The following ZNF287 variants were observed in gnomAD, a reference collection of about 807,000 sequenced individuals.
The protein encoded by ZNF287 is zinc finger protein with KRAB and SCAN domains 13.
ZNF287 carries 31 observed loss-of-function variants against 73.7 expected under a neutral mutation model. The ratio of observed to expected loss-of-function variants is 0.42; its 90% confidence interval spans 0.32 to 0.57. The LOEUF (loss-of-function observed/expected upper bound fraction) is 0.57. Among genes scored for constraint, ZNF287 ranks in the 20% least tolerant of loss-of-function variants. The pLI, the probability that ZNF287 is intolerant of heterozygous loss-of-function variation, is 0.13. For missense variants in ZNF287, 641 were observed against 909.3 expected (o/e 0.70, Z 3.79); for synonymous variants, 301 against 307.2 (o/e 0.98, Z 0.21).
rs913800644 is a variant in ZNF287 at position 16,550,430 on chromosome 17, C to G, written c.*1426G>C. Reference sequence around the variant, plus strand: ...AGCAATTATCTATGTATGTTTTCCTCACTCCACTAAAATTTCACCTTTTCC... The same window carrying G: ...AGCAATTATCTATGTATGTTTTCCTGACTCCACTAAAATTTCACCTTTTCC... On this transcript the variant is annotated 3_prime_UTR_variant, in exon 6 of 6. Transcript: ENST00000395825. Among the ~76,000 whole-genome samples, 9 of 152,288 alleles carry G rather than the reference C, an allele frequency of 5.9e-5. No individual in the cohort carries two copies. In the East Asian group the frequency reaches 1.7e-3, roughly 29 times the overall value.
intron 5 of ZNF287, among the ~76,000 whole-genome samples, chr17:16,560,308 G>GTATATATATATATATA (rs1491315982): frequency 1.5e-5 from 2 of 137,314 alleles, no homozygotes; most frequent in African/African-American, 5.4e-5. Flanking sequence ...GTCAACAGTG[G>GTATATATATATATATA]TGTATATATA....
Position 16,553,263 on chromosome 17 carries a change from A to G in ZNF287, c.879T>C (p.Gly293=). 1 of 1,613,414 alleles carries G rather than the reference A, an allele frequency of 6.2e-7. No homozygotes were observed. Among genetic ancestry groups the G allele is most frequent in the Admixed American group, 1.7e-5 (1 of 59,980 alleles). The change falls in exon 6 of 6, where the codon GGT becomes GGC. Residue 293 remains glycine, a synonymous_variant. Transcript: ENST00000395825. Reference sequence around the variant, plus strand: ...GTGAAAGGACTGACTTCAAACTGAAACCTCTTTCATCAGTGTGAATTTTCC... The same window carrying G: ...GTGAAAGGACTGACTTCAAACTGAAGCCTCTTTCATCAGTGTGAATTTTCC... ...GFWKIHTDER[G]FSLKSVLSQE...
In ZNF287 at chr17:16,566,507, A is replaced by G. The variant is rs1907749840; in HGVS notation, c.501+18T>C. 1 of 1,604,268 alleles carries G rather than the reference A, an allele frequency of 6.2e-7. No individual in the cohort carries two copies. On this transcript the variant is annotated intron_variant, in intron 3 of 5. Transcript: ENST00000395825. ...ACTAAGAAGGCATTTTAAAATCAGA[A>G]AAGACAGTCACACTCACTTTGGTCA...
chr17:16,549,439 G>A lies in ZNF287; in HGVS notation c.*2417C>T, dbSNP rs1906499346. ...ACATGCTCAACCAAGGGAAATAAGT[G>A]CTGTGTGAGGGATGAAGCAGCATCA... On this transcript the variant is annotated 3_prime_UTR_variant, in exon 6 of 6. Coordinates refer to ENST00000395825, the MANE Select transcript of ZNF287 (RefSeq NM_020653.4). Among the ~76,000 whole-genome samples the A allele has an allele frequency of 6.6e-6, 1 of 152,156 alleles. No homozygotes were observed. Among genetic ancestry groups the A allele is most frequent in the Non-Finnish European group, 1.5e-5 (1 of 68,034 alleles).
At chr17:16,560,628 G>A (rs929762328) in intron 5 of ZNF287, among the ~76,000 whole-genome samples, 21 of 151,846 alleles carry the variant, frequency 1.4e-4, no homozygotes, top group East Asian at 1.9e-4. Flanking sequence ...GATTACAAGC[G>A]CGAGCCACCG....
chr17:16,554,202 CT>C lies in ZNF287; in HGVS notation c.716-777del, dbSNP rs565329005. Reference sequence around the variant, plus strand: ...TTCAGCTTAATTTAGTTATCCACTACTTTTTTTTTTTTTTTTTTGAGACAGA... The same window carrying C: ...TTCAGCTTAATTTAGTTATCCACTACTTTTTTTTTTTTTTTTTGAGACAGA... On this transcript the variant is annotated intron_variant, in intron 5 of 5. Transcript: ENST00000395825. Among the ~76,000 whole-genome samples, 371 of 139,368 alleles carry C rather than the reference CT, an allele frequency of 2.7e-3. 1 individual carries two copies. Among genetic ancestry groups the C allele is most frequent in the Middle Eastern group, 3.6e-3 (1 of 276 alleles). 91.4% of individuals were successfully genotyped at this position (139,368 alleles called of 152,430 possible).
chr17:16,566,140 C>A (rs1907728548), intron 3 of ZNF287, among the ~76,000 whole-genome samples: 1 of 152,300 alleles, frequency 6.6e-6, no homozygotes, highest in South Asian at 2.1e-4. Context: ...TTAATACTCA[C>A]AACCTAAGAG....
In ZNF287 at chr17:16,547,109, A is replaced by G. The variant is rs1906309237; in HGVS notation, c.*4747T>C. 2.0e-5 allele frequency among the ~76,000 whole-genome samples: 3 copies of G among 152,256 alleles called. No individual in the cohort carries two copies. Among genetic ancestry groups the G allele is most frequent in the Admixed American group, 1.3e-4 (2 of 15,292 alleles). On this transcript the variant is annotated 3_prime_UTR_variant, in exon 6 of 6. Transcript: ENST00000395825. Reference sequence around the variant, plus strand: ...GACACCAGAAGACAAAGAATGAAACATAACAGCCTTAAAGTTTTAGAGACC... The same window carrying G: ...GACACCAGAAGACAAAGAATGAAACGTAACAGCCTTAAAGTTTTAGAGACC...
Position 16,553,065 on chromosome 17 carries a change from C to T in ZNF287, c.1077G>A (p.Arg359=). The T allele has an allele frequency of 1.2e-6, 2 of 1,614,144 alleles. No individual in the cohort carries two copies. Among genetic ancestry groups the T allele is most frequent in the African/African-American group, 1.3e-5 (1 of 75,048 alleles). Reference sequence around the variant, plus strand: ...AAGGCTTCTCTCCAGGAAGTATTTTCCTATGTACAATACCATATGAGACAT... The same window carrying T: ...AAGGCTTCTCTCCAGGAAGTATTTTTCTATGTACAATACCATATGAGACAT... The part of the protein sequence containing the change: ...FNHVSYGIVH[R]KILPGEKPYK... The change falls in exon 6 of 6, where the codon AGG becomes AGA. Residue 359 remains arginine, a synonymous_variant. Transcript: ENST00000395825.
At chr17:16,563,867 G>T in intron 3 of ZNF287, 42 bp from the exon 4 acceptor site, 1 of 1,601,520 alleles carries the variant, frequency 6.2e-7, no homozygotes, top group South Asian at 1.1e-5. Flanking sequence ...AAGAACTAAT[G>T]GCAAAGGGGA....
rs1198670933 is a variant in ZNF287, at chr17:16,551,191, A to G, written c.*665T>C. On this transcript the variant is annotated 3_prime_UTR_variant, in exon 6 of 6. Coordinates refer to ENST00000395825, the MANE Select transcript of ZNF287 (RefSeq NM_020653.4). ...TAAAACAGGGAAGGGAGTCCTTTAC[A>G]TATTTTAAGGCTTCAAAGCTGGGAA... Among the ~76,000 whole-genome samples the G allele has an allele frequency of 6.6e-6, 1 of 152,130 alleles. No homozygotes were observed. The highest frequency in any genetic ancestry group is 1.9e-4 in the East Asian group (1 of 5,186).
At position 16,553,294 on chromosome 17, in the gene ZNF287, C is replaced by G; in HGVS notation, c.848G>C (p.Gly283Ala). The G allele has an allele frequency of 6.2e-7, 1 of 1,613,914 alleles. No homozygotes were observed. Among genetic ancestry groups the G allele is most frequent in the Non-Finnish European group, 8.5e-7 (1 of 1,179,920 alleles). Residue 283 changes from glycine (G) to alanine (A), a missense_variant, in exon 6 of 6, where the codon GGC becomes GCC. Physicochemically the swap from Gly to Ala is moderately conservative, Grantham distance 60. Around this residue, in one of 2 missense-constraint regions of ZNF287, gnomAD observed 357 missense variants for 442.4 expected, o/e 0.81. Transcript: ENST00000395825. ...TTCATCAGTGTGAATTTTCCAGAAGCCACCTTTTCCTCGCCTCTCTAGTCT... is the reference window on the plus strand; with the variant it reads ...TTCATCAGTGTGAATTTTCCAGAAGGCACCTTTTCCTCGCCTCTCTAGTCT... ...DDRLERRGKG[G>A]FWKIHTDERG...
chr17:16,557,127 T>G (rs1907127773), intron 5 of ZNF287, among the ~76,000 whole-genome samples: 1 of 152,208 alleles, frequency 6.6e-6, no homozygotes, highest in Non-Finnish European at 1.5e-5. Context: ...ATTACAGGCA[T>G]GAGCTACTGC....
At chr17:16,555,660 G>C (rs1907006467) in intron 5 of ZNF287, among the ~76,000 whole-genome samples, 1 of 149,368 alleles carries the variant, frequency 6.7e-6, no homozygotes, top group African/African-American at 2.5e-5. Flanking sequence ...AAACCAAAAA[G>C]GTTGACCCTC....
At position 16,552,618 on chromosome 17, in the gene ZNF287, A is replaced by G. The variant is rs759950335; in HGVS notation, c.1524T>C (p.Tyr508=). 17 of 1,614,030 alleles carry G rather than the reference A, an allele frequency of 1.1e-5. No homozygotes were observed. The highest frequency in any genetic ancestry group is 2.2e-5 in the East Asian group (1 of 44,896). ...AAGTCTTCCCACATTCATTGCATATATAAGGTTTTTCTCCAGTATGAACTC... is the reference window on the plus strand; with the variant it reads ...AAGTCTTCCCACATTCATTGCATATGTAAGGTTTTTCTCCAGTATGAACTC... ...HQRVHTGEKP[Y]ICNECGKTFS... The change falls in exon 6 of 6, where the codon TAT becomes TAC. Residue 508 remains tyrosine, a synonymous_variant. Transcript: ENST00000395825. This position sits in a 1 kb window ranked among gnomAD's most constrained non-coding sequence, Gnocchi z 6.5.
intron 5 of ZNF287, chr17:16,559,087 A>G (rs1907255895): frequency 1.3e-5 from 2 of 152,246 alleles, no homozygotes; most frequent in South Asian, 2.1e-4. Context: ...AGAAGATAAT[A>G]TATTAATAAT....
chr17:16,560,177 G>T (rs978026555), intron 5 of ZNF287, among the ~76,000 whole-genome samples: 1 of 151,730 alleles, frequency 6.6e-6, no homozygotes, highest in South Asian at 2.1e-4. Flanking sequence ...GGACAGGCTG[G>T]TCTCAAACTC....
In ZNF287 at chr17:16,550,344, C is replaced by A. The variant is rs1410254561; in HGVS notation, c.*1512G>T. Among the ~76,000 whole-genome samples the A allele has an allele frequency of 6.6e-6, 1 of 152,064 alleles. No individual in the cohort carries two copies. The highest frequency in any genetic ancestry group is 1.5e-5 in the Non-Finnish European group (1 of 67,974). On this transcript the variant is annotated 3_prime_UTR_variant, in exon 6 of 6. Transcript: ENST00000395825. The stretch of plus-strand genomic sequence containing the variant: ...TTTCTTCTAATAACCAGGCTGAATT[C>A]TTTTTTATTTAGCCACTCTCATTTC...
At chr17:16,555,891 ACTTT>A (rs1263794830) in intron 5 of ZNF287, among the ~76,000 whole-genome samples, 1 of 152,204 alleles carries the variant, frequency 6.6e-6, no homozygotes, top group Non-Finnish European at 1.5e-5. Flanking sequence ...TACTTCAGAA[ACTTT>A]CTAAGAGGCA....
Sources: gnomAD v4.1 joint callset for allele counts (sites outside exome capture counted in the v4.1 genomes callset) on GRCh38, gnomAD v4.1.1 for gene constraint, gnomAD v4.1.1 regional missense constraint, Gnocchi (gnomAD v3.1) non-coding constraint, MANE v1.5 for transcripts, NCBI Gene and HGNC (gene_info 2026-07-23, HGNC 2026-07-21) for gene names.